CLEC17A: variants seen among roughly 807,000 people sequenced by gnomAD.
CLEC17A encodes the protein C-type lectin domain containing 17A.
A neutral mutation model predicts 61.3 loss-of-function variants in CLEC17A; 37 were observed. The observed-to-expected ratio is 0.60, with a 90% CI of 0.46 to 0.79. CLEC17A has a LOEUF of 0.79. Ranked by LOEUF, CLEC17A falls within the 30% of genes least tolerant of loss-of-function variation. The pLI is 0.00. For missense variants in CLEC17A, 418 were observed against 464.7 expected (o/e 0.90, Z 0.92); for synonymous variants, 168 against 164.9 (o/e 1.02, Z -0.14).
intron 3 of CLEC17A, chr19:14,588,672 A>C (rs1474582587): frequency 6.6e-6 from 1 of 151,974 alleles, no homozygotes; most frequent in Non-Finnish European, 1.5e-5. Flanking sequence ...AATAGAGAAA[A>C]TGAAACCGGA....
At chr19:14,607,532 C>G (rs1006734702) in intron 13 of CLEC17A, among the ~76,000 whole-genome samples, 2 of 148,962 alleles carry the variant, frequency 1.3e-5, no homozygotes, top group Non-Finnish European at 3.0e-5. Context: ...TACAGCTCTA[C>G]TTGTTTTATT....
In CLEC17A at chr19:14,607,109, G is replaced by T; in HGVS notation, c.1004+7G>T. ...GGTCTCCTGTGACATTAAGGCAAGT[G>T]CTTGGGTTTCCTGGGGTCTCTCTGC... On this transcript the variant is annotated splice_region_variant and intron_variant, in intron 13 of 13. Transcript: ENST00000417570. The T allele has an allele frequency of 7.9e-7, 1 of 1,264,654 alleles. No homozygotes were observed. The highest frequency in any genetic ancestry group is 1.0e-6 in the Non-Finnish European group (1 of 995,252). 78.3% of individuals were successfully genotyped at this position (1,264,654 alleles called of 1,614,324 possible).
In CLEC17A at chr19:14,592,350, C is replaced by T. The variant is rs2074440820; in HGVS notation, c.269C>T (p.Pro90Leu). 1 of 1,608,478 alleles carries T rather than the reference C, an allele frequency of 6.2e-7. No individual in the cohort carries two copies. The highest frequency in any genetic ancestry group is 1.7e-5 in the Admixed American group (1 of 58,960). The change falls in exon 4 of 14, where the codon CCC (proline) becomes CTC (leucine). Residue 90 changes from proline to leucine, a missense_variant. Coordinates refer to ENST00000417570, the MANE Select transcript of CLEC17A (RefSeq NM_001204118.2). ...NSTPPYKDLP[P>L]KPGSSAPPRP... Reference sequence around the variant, plus strand: ...ACACCTCCCTACAAGGACCTTCCTCCCAAGCCAGGTAAGAGGACTTTTTGG... The same window carrying T: ...ACACCTCCCTACAAGGACCTTCCTCTCAAGCCAGGTAAGAGGACTTTTTGG...
At chr19:14,594,722 G>A (rs762408076) in intron 6 of CLEC17A, 37 bp from the exon 7 acceptor site, 1 of 1,614,006 alleles carries the variant, frequency 6.2e-7, no homozygotes, top group South Asian at 1.1e-5. Flanking sequence ...TCACCTGGCT[G>A]AAGCCCTTCT....
chr19:14,609,565 C>T (rs558667318), intron 13 of CLEC17A, among the ~76,000 whole-genome samples: 93 of 152,210 alleles, frequency 6.1e-4, no homozygotes, highest in African/African-American at 2.2e-3. Context: ...GGGCCAGGCA[C>T]GGTGGCTCGT....
chr19:14,602,778 C>G (rs561550978), intron 12 of CLEC17A, among the ~76,000 whole-genome samples: 2 of 151,990 alleles, frequency 1.3e-5, no homozygotes, highest in Admixed American at 1.3e-4. Context: ...CTGTGTTGCC[C>G]AGGCTGGAGT....
At chr19:14,591,855 GC>G (rs2074426175) in intron 3 of CLEC17A, among the ~76,000 whole-genome samples, 1 of 151,504 alleles carries the variant, frequency 6.6e-6, no homozygotes, top group East Asian at 1.9e-4. Flanking sequence ...ACCACTCCCG[GC>G]CCATTGTTTC....
At chr19:14,601,741 C>T (rs1402333832) in intron 12 of CLEC17A, among the ~76,000 whole-genome samples, 1 of 152,168 alleles carries the variant, frequency 6.6e-6, no homozygotes, top group Non-Finnish European at 1.5e-5. Flanking sequence ...GCCTCACCCT[C>T]CTGAGTAGCT....
intron 3 of CLEC17A, among the ~76,000 whole-genome samples, chr19:14,590,649 A>T (rs1415744523): frequency 6.6e-6 from 1 of 151,832 alleles, no homozygotes; most frequent in African/African-American, 2.4e-5. Flanking sequence ...AGCCTCCCAA[A>T]GTGCTGAGAT....
chr19:14,581,935 A>G (rs1290272365), upstream of CLEC17A, among the ~76,000 whole-genome samples: 1 of 151,992 alleles, frequency 6.6e-6, no homozygotes, highest in Non-Finnish European at 1.5e-5. Flanking sequence ...TACAGGTGTG[A>G]GCCACTGCAC....
chr19:14,600,016 C>G lies in CLEC17A; in HGVS notation c.743-15C>G. 6.2e-7 allele frequency: 1 copy of G among 1,612,928 alleles called. No homozygotes were observed. Among genetic ancestry groups the G allele is most frequent in the Non-Finnish European group, 8.5e-7 (1 of 1,179,398 alleles). On this transcript the variant is annotated splice_polypyrimidine_tract_variant and intron_variant, in intron 11 of 13. Coordinates refer to ENST00000417570, the MANE Select transcript of CLEC17A (RefSeq NM_001204118.2). ...GTTCTGGGGCCATCCTGACAGCATT[C>G]TGTCTGGTTCCCAGACTGCCGCCGA...
At chr19:14,609,150 C>T (rs2074984461) in intron 13 of CLEC17A, among the ~76,000 whole-genome samples, 1 of 152,250 alleles carries the variant, frequency 6.6e-6, no homozygotes, top group South Asian at 2.1e-4. Flanking sequence ...CAAAGCTATT[C>T]TCAGCTGAAT....
chr19:14,599,656 C>G (rs191129397), intron 10 of CLEC17A, 61 bp from the exon 11 acceptor site: 1 of 1,176,870 alleles, frequency 8.5e-7, no homozygotes, highest in Non-Finnish European at 1.3e-6. Context: ...GTCTGCAGTC[C>G]GTGGTGGATG....
chr19:14,598,133 A>G (rs1321934674), intron 10 of CLEC17A, among the ~76,000 whole-genome samples: 1 of 151,648 alleles, frequency 6.6e-6, no homozygotes, highest in African/African-American at 2.4e-5. Flanking sequence ...CCAGAGTCCA[A>G]GGTGAAACCT....
At chr19:14,593,248 G>T (rs1426247767) in intron 4 of CLEC17A, among the ~76,000 whole-genome samples, 2 of 151,276 alleles carry the variant, frequency 1.3e-5, no homozygotes, top group Non-Finnish European at 2.9e-5. Context: ...AGGCCAAGAT[G>T]GGAGGATCAC....
chr19:14,609,931 A>G lies in CLEC17A; in HGVS notation c.1005-133A>G. The G allele has an allele frequency of 7.6e-6, 5 of 658,102 alleles. No individual in the cohort carries two copies. In the East Asian group the frequency reaches 8.3e-5, roughly 11 times the overall value. 40.8% of individuals were successfully genotyped at this position (658,102 alleles called of 1,614,324 possible). Reference sequence around the variant, plus strand: ...CTCACTGTGCCCGGCTTACAGGTGTAAGGCTCCACACACGGCCTAATATGG... The same window carrying G: ...CTCACTGTGCCCGGCTTACAGGTGTGAGGCTCCACACACGGCCTAATATGG... On this transcript the variant is annotated intron_variant, in intron 13 of 13. Coordinates refer to ENST00000417570, the MANE Select transcript of CLEC17A (RefSeq NM_001204118.2).
At chr19:14,596,304 C>G (rs527886004) in intron 8 of CLEC17A, among the ~76,000 whole-genome samples, 1 of 152,134 alleles carries the variant, frequency 6.6e-6, no homozygotes, top group African/African-American at 2.4e-5. Flanking sequence ...ATGCTTATAA[C>G]CTACATCATA....
chr19:14,585,221 C>G, intron 2 of CLEC17A, among the ~76,000 whole-genome samples: 1 of 152,182 alleles, frequency 6.6e-6, no homozygotes, highest in Non-Finnish European at 1.5e-5. Context: ...CCAGGCTGCC[C>G]TGAAGTGGTG....
rs377673881 is a variant in CLEC17A at position 14,606,594 on chromosome 19, C to T, written c.895-399C>T. Among the ~76,000 whole-genome samples the T allele has an allele frequency of 1.1e-4, 17 of 150,662 alleles. 1 individual carries two copies. Among genetic ancestry groups the T allele is most frequent in the Admixed American group, 2.7e-4 (4 of 14,986 alleles). On this transcript the variant is annotated intron_variant, in intron 12 of 13. Coordinates refer to ENST00000417570, the MANE Select transcript of CLEC17A (RefSeq NM_001204118.2). ...ACTCGGGAGGTTGAGGCGGGAGAAT[C>T]GCTTGAACCCAGGAGGTGGAAGCTG...
Sources: gnomAD v4.1 joint callset for allele counts (sites outside exome capture counted in the v4.1 genomes callset) on GRCh38, gnomAD v4.1.1 for gene constraint, MANE v1.5 for transcripts, NCBI Gene and HGNC (gene_info 2026-07-23, HGNC 2026-07-21) for gene names.